ANKRD11: variants seen among roughly 807,000 people sequenced by gnomAD.
ANKRD11 encodes the protein ankyrin repeat domain-containing protein 11.
In ANKRD11, 17 loss-of-function variants were observed where a neutral mutation model predicts 195.7. The observed-to-expected ratio is 0.09, with a 90% CI of 0.06 to 0.13. The LOEUF (loss-of-function observed/expected upper bound fraction) is 0.13. Ranked by LOEUF, ANKRD11 falls within the 10% of genes least tolerant of loss-of-function variation. The pLI is 1.00. For synonymous variants in ANKRD11, 1,953 were observed against 1,528.1 expected, an observed-to-expected ratio of 1.28 and a Z score of -6.49; for missense variants, 3,735 against 3,566.1, an observed-to-expected ratio of 1.05 and a Z score of -1.21.
intron 7 of ANKRD11, 55 bp from the exon 8 acceptor site, chr16:89,286,241 C>T (rs2151769655): frequency 6.2e-7 from 1 of 1,602,264 alleles, no homozygotes; most frequent in South Asian, 1.1e-5. Flanking sequence ...AACTCCTCTA[C>T]CGTTCCGCAT....
rs574956402 is a variant in ANKRD11 at position 89,445,462 on chromosome 16, C to T, written c.-144-27094G>A. On this transcript the variant is annotated intron_variant, in intron 1 of 12. Coordinates refer to ENST00000301030, the MANE Select transcript of ANKRD11 (RefSeq NM_013275.6). ...TGGACGTCACTATCATCCTCCACCC[C>T]AACCTGCAAACATACCTAGGACCAG... is the stretch of plus-strand genomic sequence containing the variant. Among the ~76,000 whole-genome samples, 5 of 152,224 alleles carry T rather than the reference C, an allele frequency of 3.3e-5. No homozygotes were observed. The East Asian group carries it at 9.6e-4, about 29-fold the overall frequency.
chr16:89,437,931 T>C (rs2043283778), intron 1 of ANKRD11, among the ~76,000 whole-genome samples: 1 of 152,202 alleles, frequency 6.6e-6, no homozygotes, highest in Non-Finnish European at 1.5e-5. Context: ...ATGGTTAAAA[T>C]CATTCTTAGT....
At chr16:89,456,068 G>C (rs895570784) in intron 1 of ANKRD11, among the ~76,000 whole-genome samples, 1 of 152,020 alleles carries the variant, frequency 6.6e-6, no homozygotes, top group Non-Finnish European at 1.5e-5. Flanking sequence ...CTGAAATCCT[G>C]TCTCTACTGA....
intron 1 of ANKRD11, among the ~76,000 whole-genome samples, chr16:89,438,133 C>T (rs1015683636): frequency 3.9e-5 from 6 of 152,198 alleles, no homozygotes; most frequent in South Asian, 2.1e-4. Flanking sequence ...GATGGGTCCA[C>T]GAACCGCGTG....
At position 89,271,299 on chromosome 16, in the gene ANKRD11, G is replaced by A. The variant is rs1341006011; in HGVS notation, c.7714-390C>T. The A allele has an allele frequency of 3.1e-5, 10 of 318,668 alleles. No individual in the cohort carries two copies. In the East Asian group the frequency reaches 3.4e-4, roughly 11 times the overall value. The allele number at this position is 318,668 out of a possible 1,614,324, so 19.7% of individuals were successfully genotyped here. A position where few individuals can be genotyped will look rare whatever the true frequency, so the allele number is the denominator to read the frequency against. On this transcript the variant is annotated intron_variant, in intron 11 of 12. Transcript: ENST00000301030. ...GTTGCCCAGGCTGGAGTGCAATGGC[G>A]CGATCCTGGCTCACCGCAGCCTCCA...
chr16:89,390,575 TG>T (rs1392527230), intron 2 of ANKRD11, among the ~76,000 whole-genome samples: 1 of 152,044 alleles, frequency 6.6e-6, no homozygotes, highest in Non-Finnish European at 1.5e-5. Flanking sequence ...TCACAAAACA[TG>T]GAGAACCTGA....
chr16:89,393,121 T>C (rs2041269578), intron 2 of ANKRD11, among the ~76,000 whole-genome samples: 1 of 152,038 alleles, frequency 6.6e-6, no homozygotes, highest in Admixed American at 6.6e-5. Context: ...CCTGCATACC[T>C]TCTCTCACAG....
At chr16:89,319,542 G>A (rs2037175750) in intron 2 of ANKRD11, among the ~76,000 whole-genome samples, 2 of 152,228 alleles carry the variant, frequency 1.3e-5, no homozygotes, top group Non-Finnish European at 2.9e-5. Flanking sequence ...GGCCCTTCCA[G>A]GACCCTCGTG....
chr16:89,286,571 G>A (rs2034663059), intron 7 of ANKRD11: 1 of 872,020 alleles, frequency 1.1e-6, no homozygotes, highest in African/African-American at 1.8e-5. Context: ...AGTGGTGCCG[G>A]AGTGGTCGTG....
chr16:89,391,227 C>CAAAAAAA (rs35753411), intron 2 of ANKRD11, among the ~76,000 whole-genome samples: 1 of 95,338 alleles, frequency 1.0e-5, no homozygotes, highest in Non-Finnish European at 2.2e-5. Context: ...GACTCTGTCT[C>CAAAAAAA]AAAAAAAAAA....
At chr16:89,324,255 G>A in intron 2 of ANKRD11, 1 of 1,227,338 alleles carries the variant, frequency 8.1e-7, no homozygotes, top group Non-Finnish European at 1.0e-6. Context: ...TGGTCACTGG[G>A]CTGTGGAACA....
intron 1 of ANKRD11, among the ~76,000 whole-genome samples, chr16:89,455,490 G>A (rs191152533): frequency 6.6e-6 from 1 of 152,252 alleles, no homozygotes; most frequent in East Asian, 1.9e-4. Flanking sequence ...ACCAGGTGGG[G>A]ATGTCACTGA....
intron 3 of ANKRD11, among the ~76,000 whole-genome samples, chr16:89,309,929 C>T (rs998307420): frequency 3.2e-4 from 48 of 152,262 alleles, no homozygotes; most frequent in Non-Finnish European, 5.6e-4. Context: ...TGCCGGCCAC[C>T]TGGCTTCTCC....
intron 1 of ANKRD11, among the ~76,000 whole-genome samples, chr16:89,441,093 G>A (rs765632485): frequency 1.1e-4 from 16 of 151,772 alleles, no homozygotes; most frequent in African/African-American, 1.9e-4. Flanking sequence ...AAAATTAGCC[G>A]GGCGTGGTGG....
intron 2 of ANKRD11, among the ~76,000 whole-genome samples, chr16:89,377,905 C>T (rs2040490620): frequency 6.6e-6 from 1 of 152,030 alleles, no homozygotes; most frequent in Admixed American, 6.6e-5. Flanking sequence ...CCTCCTTCTA[C>T]TCAATGAAAT....
intron 3 of ANKRD11, among the ~76,000 whole-genome samples, chr16:89,311,562 C>A (rs890610895): frequency 6.6e-6 from 1 of 152,198 alleles, no homozygotes; most frequent in Non-Finnish European, 1.5e-5. Flanking sequence ...TTACCTCACA[C>A]CACATACAAA....
chr16:89,384,964 C>A (rs1271409565), intron 2 of ANKRD11, among the ~76,000 whole-genome samples: 1 of 138,640 alleles, frequency 7.2e-6, no homozygotes, highest in East Asian at 2.2e-4. Context: ...CAGCTCACTG[C>A]AACCTCTGAC....
chr16:89,356,392 A>G (rs565294372), intron 2 of ANKRD11, among the ~76,000 whole-genome samples: 13 of 152,044 alleles, frequency 8.6e-5, no homozygotes, highest in Non-Finnish European at 1.6e-4. Flanking sequence ...TGATGACACC[A>G]GCTCCGGAAG....
rs576333338 is a variant in ANKRD11 at position 89,280,952 on chromosome 16, C to G, written c.5590G>C (p.Ala1864Pro). The G allele has an allele frequency of 1.5e-5, 24 of 1,577,970 alleles. No homozygotes were observed. The African/African-American group carries it at 1.9e-4, about 12-fold the overall frequency. The change falls in exon 9 of 13, where the codon GCT becomes CCT. Residue 1864 changes from alanine (A) to proline (P), a missense_variant. Physicochemically the swap from Ala to Pro is conservative, Grantham distance 27 (BLOSUM62 -1). Transcript: ENST00000301030. ...ACGGCAGCCGGTGGGCAGTGCAAAG[C>G]GTCGACTTTGGGCGACGGGAGGCCA... ...DYGLPSPKVD[A>P]LHCPPAAVVT... is the part of the protein sequence containing the mutation.
Sources: gnomAD v4.1 joint callset for allele counts (sites outside exome capture counted in the v4.1 genomes callset) on GRCh38, gnomAD v4.1.1 for gene constraint, MANE v1.5 for transcripts, NCBI Gene and HGNC (gene_info 2026-07-23, HGNC 2026-07-21) for gene names.